CHRM5: variants seen among roughly 807,000 people sequenced by gnomAD.
CHRM5 encodes muscarinic acetylcholine receptor M5.
Under a neutral mutation model 39.0 loss-of-function variants are expected in CHRM5, and 18 were observed. The ratio of observed to expected loss-of-function variants is 0.46; its 90% CI spans 0.32 to 0.68. The LOEUF (loss-of-function observed/expected upper bound fraction) is 0.68. CHRM5 is among the 30% of genes least tolerant of loss of function. The pLI, the probability that CHRM5 is intolerant of heterozygous loss-of-function variation, is 0.04. For missense variants in CHRM5, 515 were observed against 651.1 expected (o/e 0.79, Z 2.28); for synonymous variants, 241 against 246.3 (o/e 0.98, Z 0.20).
intron 1 of CHRM5, among the ~76,000 whole-genome samples, chr15:34,017,877 A>G (rs1247400743): frequency 6.6e-6 from 1 of 152,138 alleles, no homozygotes; most frequent in African/African-American, 2.4e-5. Context: ...CATATTTACA[A>G]CAGTGGTCCC....
chr15:33,972,600 C>T (rs1329490826), intron 1 of CHRM5: 3 of 152,104 alleles, frequency 2.0e-5, no homozygotes, highest in African/African-American at 7.2e-5. Context: ...CTCTGAAAGT[C>T]TTCAACAAAT....
chr15:34,038,753 C>G, intron 1 of CHRM5: 2 of 1,157,094 alleles, frequency 1.7e-6, no homozygotes, highest in Non-Finnish European at 1.1e-6. Context: ...ACACGCGGTC[C>G]CAGCCCCACC....
In CHRM5 at chr15:34,003,360, C is replaced by T. The variant is rs913999616; in HGVS notation, c.-408+34210C>T. On this transcript the variant is annotated intron_variant, in intron 1 of 2. Coordinates refer to ENST00000383263, the MANE Select transcript of CHRM5 (RefSeq NM_012125.4). The stretch of plus-strand genomic sequence containing the variant: ...ATTAAATATTATTTTAAGAGAATCA[C>T]ACTATACCAGAGTGTTCTTTTAGGG... The T allele has an allele frequency of 6.5e-5, 46 of 703,210 alleles. No individual in the cohort carries two copies. The East Asian group carries it at 7.4e-4, about 11-fold the overall frequency. 43.6% of individuals were successfully genotyped at this position (703,210 alleles called of 1,614,324 possible).
intron 1 of CHRM5, among the ~76,000 whole-genome samples, chr15:33,989,484 C>A (rs188100756): frequency 2.0e-5 from 3 of 150,702 alleles, no homozygotes; most frequent in Non-Finnish European, 4.4e-5. Context: ...ACAACCAAAA[C>A]CAAAACTAAG....
intron 2 of CHRM5, among the ~76,000 whole-genome samples, chr15:34,053,338 A>G (rs1268200406): frequency 7.0e-6 from 1 of 142,080 alleles, no homozygotes; most frequent in Non-Finnish European, 1.5e-5. Flanking sequence ...ATATATATAT[A>G]TATATGGAAC....
chr15:33,989,226 C>T (rs953058309), intron 1 of CHRM5, among the ~76,000 whole-genome samples: 1 of 151,986 alleles, frequency 6.6e-6, no homozygotes, highest in Non-Finnish European at 1.5e-5. Context: ...TATGTTAGTA[C>T]CATGCTTGGA....
intron 1 of CHRM5, among the ~76,000 whole-genome samples, chr15:34,026,753 C>T (rs1898490661): frequency 6.6e-6 from 1 of 152,114 alleles, no homozygotes; most frequent in African/African-American, 2.4e-5. Context: ...GATATGTGAT[C>T]AATTCCAAAT....
At chr15:34,060,614 G>T (rs1323400497) in intron 2 of CHRM5, among the ~76,000 whole-genome samples, 2 of 152,174 alleles carry the variant, frequency 1.3e-5, no homozygotes, top group South Asian at 2.1e-4. Context: ...GGTGGCTTTC[G>T]CCTGTAATCC....
Position 34,062,909 on chromosome 15 carries a change from TAAC to T in CHRM5, c.196_198del (p.Asn66del). On this transcript the variant is annotated inframe_deletion, in exon 3 of 3. Transcript: ENST00000383263. ...AAGTCAACAGCCAGCTCAAGACAGT[TAAC>T]AACTATTACCTGCTCAGCTTAGCCT... 1 of 1,614,194 alleles carries T rather than the reference TAAC, an allele frequency of 6.2e-7. No individual in the cohort carries two copies. The highest frequency in any genetic ancestry group is 8.5e-7 in the Non-Finnish European group (1 of 1,180,032).
chr15:34,030,345 TTTTTG>T lies in CHRM5; in HGVS notation c.-407-16181_-407-16177del, dbSNP rs933026123. ...TTGAGAATACTAGGTTTTGGGGGGT[TTTTTG>T]TTTTGTTTTGTTTGAGACGGAGTCT... On this transcript the variant is annotated intron_variant, in intron 1 of 2. Coordinates refer to ENST00000383263, the MANE Select transcript of CHRM5 (RefSeq NM_012125.4). 2.6e-5 allele frequency among the ~76,000 whole-genome samples: 4 copies of T among 152,008 alleles called. No individual in the cohort carries two copies. The South Asian group carries it at 8.3e-4, about 31-fold the overall frequency.
chr15:34,058,540 C>G (rs1900233230), intron 2 of CHRM5, among the ~76,000 whole-genome samples: 1 of 139,416 alleles, frequency 7.2e-6, no homozygotes, highest in African/African-American at 2.7e-5. Context: ...AGGAAGTTCT[C>G]TCTGCTTTAA....
At chr15:34,029,094 C>A (rs1343375586) in intron 1 of CHRM5, among the ~76,000 whole-genome samples, 1 of 152,090 alleles carries the variant, frequency 6.6e-6, no homozygotes, top group Non-Finnish European at 1.5e-5. Flanking sequence ...ATGCTACCCA[C>A]CAGAGTAGAC....
intron 1 of CHRM5, among the ~76,000 whole-genome samples, chr15:34,034,550 C>A (rs1597375319): frequency 6.6e-6 from 1 of 151,344 alleles, no homozygotes; most frequent in Non-Finnish European, 1.5e-5. Context: ...TTTTGAAATT[C>A]TCTGATCCAT....
chr15:34,038,701 T>G, intron 1 of CHRM5: 1 of 1,095,806 alleles, frequency 9.1e-7, no homozygotes, highest in Non-Finnish European at 1.1e-6. Flanking sequence ...CACGCTCTCT[T>G]GCGGCTCTTG....
chr15:33,988,788 C>T (rs1896593371), intron 1 of CHRM5, among the ~76,000 whole-genome samples: 1 of 152,198 alleles, frequency 6.6e-6, no homozygotes. Flanking sequence ...TTGCTCTATC[C>T]CATGCAGCAA....
intron 1 of CHRM5, among the ~76,000 whole-genome samples, chr15:34,016,004 C>T (rs954880795): frequency 3.3e-5 from 5 of 152,178 alleles, no homozygotes; most frequent in Admixed American, 2.6e-4. Flanking sequence ...CGGCTGGGCG[C>T]GGTGGCTCAT....
intron 1 of CHRM5, among the ~76,000 whole-genome samples, chr15:33,974,040 A>G (rs1895762840): frequency 1.3e-5 from 2 of 152,206 alleles, no homozygotes; most frequent in Admixed American, 1.3e-4. Flanking sequence ...TCTGTTAGGG[A>G]TAGTATATGA....
rs148277277 is a variant in CHRM5, at chr15:34,057,141, G to GTT, written c.-75-5502_-75-5501insTT. The stretch of plus-strand genomic sequence containing the variant: ...CAGGAGAAGAGTTTTGGTTTTTTTT[G>GTT]GTTTTTTTTTTTAGGTGGAGTCTTG... On this transcript the variant is annotated intron_variant, in intron 2 of 2. Coordinates refer to ENST00000383263, the MANE Select transcript of CHRM5 (RefSeq NM_012125.4). Among the ~76,000 whole-genome samples, 401 of 140,818 alleles carry GTT rather than the reference G, an allele frequency of 2.8e-3. 4 individuals carry two copies. The highest frequency in any genetic ancestry group is 3.3e-3 in the Non-Finnish European group (215 of 64,248). 92.4% of individuals were successfully genotyped at this position (140,818 alleles called of 152,430 possible).
intron 1 of CHRM5, among the ~76,000 whole-genome samples, chr15:34,014,256 T>C (rs573268965): frequency 6.6e-6 from 1 of 150,778 alleles, no homozygotes; most frequent in South Asian, 2.1e-4. Context: ...CCCAGCTACT[T>C]GGGAGGCTGA....
Sources: gnomAD v4.1 joint callset for allele counts (sites outside exome capture counted in the v4.1 genomes callset) on GRCh38, gnomAD v4.1.1 for gene constraint, MANE v1.5 for transcripts, NCBI Gene and HGNC (gene_info 2026-07-23, HGNC 2026-07-21) for gene names.